The following PALLD variants were observed in gnomAD, a reference collection of about 807,000 sequenced individuals.
PALLD encodes the protein palladin.
PALLD carries 61 observed loss-of-function variants against 123.5 expected under a neutral mutation model. That is an observed-to-expected ratio of 0.49 (90% CI 0.40 to 0.61). The LOEUF is 0.61. Among genes scored for constraint, PALLD ranks in the 20% least tolerant of loss-of-function variants. The probability of loss-of-function intolerance (pLI) is 0.00; values close to 1 mark genes in which losing one functional copy is unlikely to be tolerated. For synonymous variants in PALLD, 465 were observed against 496.4 expected (o/e 0.94, Z 0.84); for missense variants, 1,273 against 1,377.0 (o/e 0.92, Z 1.20).
chr4:168,592,151 G>A (rs1233167548), intron 2 of PALLD, among the ~76,000 whole-genome samples: 1 of 151,870 alleles, frequency 6.6e-6, no homozygotes, highest in African/African-American at 2.4e-5. Context: ...TGAGTAGCTG[G>A]GATTACAGGT....
rs1050591975 is a variant in PALLD, at chr4:168,898,517, C to A, written c.2275C>A (p.Gln759Lys). Residue 759 changes from glutamine (Q) to lysine (K), a missense_variant, in exon 14 of 22, where the codon CAG (glutamine) becomes AAG (lysine). This residue lies in a region of PALLD where 944 missense variants were observed against 954.5 expected (regional missense o/e 0.99). Coordinates refer to ENST00000505667, the MANE Select transcript of PALLD (RefSeq NM_001166108.2). ...GGAATACAAAGTCTCCAGCTGTGAA[C>A]AGAGACTCATCAGTGAAATAGAGTA... is the stretch of plus-strand genomic sequence containing the variant. Reference protein sequence around the residue: ...QKEYKVSSCEQRLISEIEYRL... With the variant: ...QKEYKVSSCEKRLISEIEYRL... The A allele has an allele frequency of 3.1e-6, 5 of 1,612,652 alleles. No individual in the cohort carries two copies. Among genetic ancestry groups the A allele is most frequent in the Admixed American group, 3.3e-5 (2 of 60,020 alleles).
chr4:168,570,962 T>C (rs1768917127), intron 2 of PALLD, among the ~76,000 whole-genome samples: 1 of 152,210 alleles, frequency 6.6e-6, no homozygotes, highest in Admixed American at 6.5e-5. Context: ...CTATGCCTTG[T>C]GAAGCATTTA....
chr4:168,624,759 T>C (rs1487553240), intron 2 of PALLD, among the ~76,000 whole-genome samples: 1 of 152,122 alleles, frequency 6.6e-6, no homozygotes, highest in Non-Finnish European at 1.5e-5. Context: ...ACACTGTAAT[T>C]AGTTGCTTAT....
At chr4:168,913,294 G>A (rs1759411353) in intron 15 of PALLD, among the ~76,000 whole-genome samples, 1 of 151,786 alleles carries the variant, frequency 6.6e-6, no homozygotes, top group Non-Finnish European at 1.5e-5. Context: ...ATGCCACCAC[G>A]CCCGGCTAAT....
chr4:168,670,734 C>T (rs1291089384), intron 3 of PALLD, among the ~76,000 whole-genome samples: 2 of 107,730 alleles, frequency 1.9e-5, no homozygotes, highest in Admixed American at 1.0e-4. Context: ...AGCGAGACTC[C>T]GTCTCAAAAA....
chr4:168,681,625 G>A (rs1399752390), intron 4 of PALLD, among the ~76,000 whole-genome samples: 1 of 144,922 alleles, frequency 6.9e-6, no homozygotes, highest in Non-Finnish European at 1.5e-5. Flanking sequence ...GCTCACTGAA[G>A]CCTTGACCTC....
intron 10 of PALLD, among the ~76,000 whole-genome samples, chr4:168,855,366 G>A (rs1440679079): frequency 6.6e-6 from 1 of 152,196 alleles, no homozygotes; most frequent in African/African-American, 2.4e-5. Context: ...TGGGATTACA[G>A]GTGTGAGCCA....
chr4:168,613,525 C>T (rs1773934387), intron 2 of PALLD, among the ~76,000 whole-genome samples: 1 of 152,148 alleles, frequency 6.6e-6, no homozygotes, highest in South Asian at 2.1e-4. Context: ...TCCTGTATTC[C>T]AGATAACAAT....
At chr4:168,660,497 A>G (rs1344247571) in intron 2 of PALLD, among the ~76,000 whole-genome samples, 1 of 152,204 alleles carries the variant, frequency 6.6e-6, no homozygotes, top group Non-Finnish European at 1.5e-5. Context: ...TAGTGCGATA[A>G]TGTGATCCTT....
At chr4:168,772,863 G>A (rs562436435) in intron 10 of PALLD, among the ~76,000 whole-genome samples, 1 of 152,248 alleles carries the variant, frequency 6.6e-6, no homozygotes, top group African/African-American at 2.4e-5. Context: ...AGGAAGGAGT[G>A]AGCGAGGAAT....
At chr4:168,533,868 T>G (rs901408443) in intron 2 of PALLD, among the ~76,000 whole-genome samples, 4 of 152,096 alleles carry the variant, frequency 2.6e-5, no homozygotes, top group Non-Finnish European at 4.4e-5. Context: ...GGACATTTTC[T>G]CCAAAAAGGA....
intron 10 of PALLD, among the ~76,000 whole-genome samples, chr4:168,792,134 C>G (rs531405678): frequency 6.6e-6 from 1 of 152,224 alleles, no homozygotes; most frequent in South Asian, 2.1e-4. Flanking sequence ...CTGCTGCCCT[C>G]AGCAGAGATT....
At chr4:168,896,432 G>C in intron 12 of PALLD, 117 bp from the exon 13 acceptor site, 1 of 688,806 alleles carries the variant, frequency 1.5e-6, no homozygotes, top group Admixed American at 2.1e-5. Flanking sequence ...TCACAGCACC[G>C]TTACTACCAA....
At chr4:168,578,205 A>G (rs1392396738) in intron 2 of PALLD, among the ~76,000 whole-genome samples, 2 of 152,092 alleles carry the variant, frequency 1.3e-5, no homozygotes, top group African/African-American at 4.8e-5. Context: ...TTTAAAAAAC[A>G]TCTAATTGTG....
At chr4:168,750,978 T>TTA (rs1730983070) in intron 10 of PALLD, among the ~76,000 whole-genome samples, 1 of 146,840 alleles carries the variant, frequency 6.8e-6, no homozygotes, top group African/African-American at 2.6e-5. Flanking sequence ...ATCACATATT[T>TTA]TATATATGTG....
intron 10 of PALLD, among the ~76,000 whole-genome samples, chr4:168,867,177 G>A (rs1032830182): frequency 2.0e-5 from 3 of 152,052 alleles, no homozygotes; most frequent in African/African-American, 4.8e-5. Flanking sequence ...CTCTCTCCTC[G>A]GGTTTTTGTA....
intron 19 of PALLD, 59 bp from the exon 20 acceptor site, chr4:168,924,886 C>T (rs1762273710): frequency 6.4e-6 from 10 of 1,567,882 alleles, no homozygotes; most frequent in Non-Finnish European, 8.8e-6. Context: ...AATGATGCTT[C>T]ATGTCCAAAG....
At chr4:168,572,991 T>C (rs1034024152) in intron 2 of PALLD, among the ~76,000 whole-genome samples, 2 of 151,198 alleles carry the variant, frequency 1.3e-5, no homozygotes, top group African/African-American at 4.8e-5. Context: ...GTTCTTAATA[T>C]AATCTACAAG....
chr4:168,730,898 C>T (rs895538909), intron 10 of PALLD, among the ~76,000 whole-genome samples: 7 of 152,100 alleles, frequency 4.6e-5, no homozygotes, highest in East Asian at 1.9e-4. Flanking sequence ...CAGATGTTTC[C>T]GAGTTTGAAA....
Sources: allele counts gnomAD v4.1 joint callset (sites outside exome capture counted in the v4.1 genomes callset), GRCh38; gene constraint gnomAD v4.1.1; regional missense constraint gnomAD v4.1.1; transcripts MANE v1.5; gene names NCBI Gene and HGNC (gene_info 2026-07-23, HGNC 2026-07-21).